The following PCLO variants were observed in gnomAD, a reference collection of about 807,000 sequenced individuals.
The protein encoded by PCLO is piccolo presynaptic cytomatrix protein.
Under a neutral mutation model 427.5 loss-of-function variants are expected in PCLO, and 82 were observed. The ratio of observed to expected loss-of-function variants is 0.19; its 90% confidence interval spans 0.16 to 0.23. The LOEUF is 0.23. Ranked by LOEUF, PCLO falls within the 10% of genes least tolerant of loss-of-function variation. PCLO has a pLI of 1.00. For missense variants in PCLO, 6,239 were observed against 6,115.9 expected, an observed-to-expected ratio of 1.02 and a Z score of -0.67; for synonymous variants, 2,357 against 2,155.4, an observed-to-expected ratio of 1.09 and a Z score of -2.59.
intron 3 of PCLO, among the ~76,000 whole-genome samples, chr7:83,027,497 A>T (rs957446890): frequency 6.6e-6 from 1 of 152,158 alleles, no homozygotes; most frequent in East Asian, 1.9e-4. Flanking sequence ...CCAGGACCAG[A>T]TAGATTCACA....
Position 82,915,913 on chromosome 7 carries a change from G to C in PCLO, c.12073C>G (p.Pro4025Ala). 6.2e-7 allele frequency: 1 copy of C among 1,613,312 alleles called. No homozygotes were observed. The highest frequency in any genetic ancestry group is 8.5e-7 in the Non-Finnish European group (1 of 1,179,796). ...GAATCTGCAGATATGCTTGATATTG[G>C]ACTGCTTGCCATGCTACTTCTTTCC... ...LEERSSMASS[P>A]ISSISADSFY... The change falls in exon 7 of 25, where the codon CCA becomes GCA. Residue 4025 changes from proline to alanine, a missense_variant. Physicochemically the swap from Pro to Ala is conservative, Grantham distance 27. Transcript: ENST00000333891.
At chr7:82,839,998 A>G (rs1007185835) in intron 14 of PCLO, among the ~76,000 whole-genome samples, 1 of 152,126 alleles carries the variant, frequency 6.6e-6, no homozygotes, top group African/African-American at 2.4e-5. Context: ...ACAGAATTAC[A>G]TCTTACTCCT....
Position 83,156,397 on chromosome 7 carries a change from A to G in PCLO, c.249-5T>C. The stretch of plus-strand genomic sequence containing the variant: ...CTACTATCCAACTCTTGTTTCCTAG[A>G]AGAGTTAAAAAAAAAAAAAAAAATC... On this transcript the variant is annotated splice_region_variant and splice_polypyrimidine_tract_variant and intron_variant, in intron 1 of 24. Coordinates refer to ENST00000333891, the MANE Select transcript of PCLO (RefSeq NM_033026.6). 7 of 1,412,972 alleles carry G rather than the reference A, an allele frequency of 5.0e-6. No homozygotes were observed. The highest frequency in any genetic ancestry group is 5.6e-6 in the Non-Finnish European group (6 of 1,066,516). The allele number at this position is 1,412,972 out of a possible 1,614,324, so 87.5% of individuals were successfully genotyped here.
At chr7:82,766,014 T>C (rs903071098) in intron 22 of PCLO, among the ~76,000 whole-genome samples, 1 of 152,068 alleles carries the variant, frequency 6.6e-6, no homozygotes, top group African/African-American at 2.4e-5. Flanking sequence ...AGGCAGTTTC[T>C]GGTAAGGTAC....
intron 10 of PCLO, among the ~76,000 whole-genome samples, chr7:82,857,691 A>G (rs2115889098): frequency 6.6e-6 from 1 of 152,270 alleles, no homozygotes; most frequent in African/African-American, 2.4e-5. Flanking sequence ...GTGTAAAATG[A>G]GATAAAATGG....
intron 13 of PCLO, among the ~76,000 whole-genome samples, chr7:82,843,600 C>T (rs1792422269): frequency 6.6e-6 from 1 of 150,834 alleles, no homozygotes; most frequent in African/African-American, 2.4e-5. Context: ...AGTGTTCGGA[C>T]CACAAAAAAA....
chr7:82,987,914 T>C (rs1398621586), intron 3 of PCLO, among the ~76,000 whole-genome samples: 1 of 152,120 alleles, frequency 6.6e-6, no homozygotes, highest in Non-Finnish European at 1.5e-5. Context: ...AAATCAGTCA[T>C]ATCTTACATG....
chr7:83,113,596 A>G (rs1791059000), intron 3 of PCLO, among the ~76,000 whole-genome samples: 1 of 152,182 alleles, frequency 6.6e-6, no homozygotes, highest in Non-Finnish European at 1.5e-5. Context: ...TTCAGCTACT[A>G]TATCTGTAAT....
intron 3 of PCLO, among the ~76,000 whole-genome samples, chr7:83,066,004 G>C (rs537872741): frequency 6.6e-6 from 1 of 152,172 alleles, no homozygotes; most frequent in Admixed American, 6.5e-5. Context: ...ATTCATCCAT[G>C]TTTCTGGGAC....
chr7:82,821,579 ATTAAG>A, intron 20 of PCLO: 3 of 974,068 alleles, frequency 3.1e-6, no homozygotes, highest in Non-Finnish European at 3.7e-6. Context: ...ATTTGCACAT[ATTAAG>A]TTTTTATATA....
At chr7:82,763,506 A>G (rs527914610) in intron 22 of PCLO, among the ~76,000 whole-genome samples, 14 of 152,228 alleles carry the variant, frequency 9.2e-5, no homozygotes, top group Admixed American at 2.6e-4. Flanking sequence ...TTGTAAAAAT[A>G]TTAGGCTGTA....
intron 22 of PCLO, among the ~76,000 whole-genome samples, chr7:82,791,604 C>T (rs996014731): frequency 6.6e-6 from 1 of 152,120 alleles, no homozygotes; most frequent in Admixed American, 6.5e-5. Context: ...TAGCAGTCAA[C>T]ATTTAATAAA....
At chr7:82,900,015 T>C (rs1041944053) in intron 9 of PCLO, among the ~76,000 whole-genome samples, 1 of 151,614 alleles carries the variant, frequency 6.6e-6, no homozygotes, top group Non-Finnish European at 1.5e-5. Flanking sequence ...ACTGAAATTC[T>C]TTTTTTAGCA....
chr7:82,993,275 A>G (rs1382729983), intron 3 of PCLO, among the ~76,000 whole-genome samples: 1 of 152,046 alleles, frequency 6.6e-6, no homozygotes, highest in Non-Finnish European at 1.5e-5. Context: ...ATATTTCTAT[A>G]GAATATAAAA....
At chr7:83,025,594 A>C (rs1214795248) in intron 3 of PCLO, among the ~76,000 whole-genome samples, 1 of 152,178 alleles carries the variant, frequency 6.6e-6, no homozygotes, top group Non-Finnish European at 1.5e-5. Flanking sequence ...GATTCAGGAA[A>C]TACAGAGAAT....
At chr7:82,850,155 C>T (rs1270062739) in intron 10 of PCLO, among the ~76,000 whole-genome samples, 2 of 151,978 alleles carry the variant, frequency 1.3e-5, no homozygotes, top group South Asian at 4.2e-4. Context: ...ATTACAGGCA[C>T]CCACCACCAC....
At chr7:82,946,702 A>G (rs1189675486) in intron 6 of PCLO, among the ~76,000 whole-genome samples, 4 of 152,166 alleles carry the variant, frequency 2.6e-5, no homozygotes, top group Non-Finnish European at 4.4e-5. Context: ...AGAGTGATCA[A>G]TGAGGTCATG....
Position 82,827,863 on chromosome 7 carries a change from C to T in PCLO, c.14343+10G>A, listed in dbSNP as rs199879190. ...CCTAATTCTGTCACCTAGAAATAAT[C>T]TTGACATACCTGTTCCATGGAAATA... On this transcript the variant is annotated intron_variant, in intron 17 of 24. Coordinates refer to ENST00000333891, the MANE Select transcript of PCLO (RefSeq NM_033026.6). The T allele has an allele frequency of 3.8e-4, 542 of 1,420,144 alleles. 2 individuals carry two copies. The highest frequency in any genetic ancestry group is 3.4e-3 in the Middle Eastern group (18 of 5,342). The allele number at this position is 1,420,144 out of a possible 1,614,324, so 88.0% of individuals were successfully genotyped here. A position where few individuals can be genotyped will look rare whatever the true frequency, so the allele number is the denominator to read the frequency against.
chr7:83,031,836 A>G (rs939082683), intron 3 of PCLO, among the ~76,000 whole-genome samples: 3 of 151,740 alleles, frequency 2.0e-5, no homozygotes, highest in African/African-American at 7.3e-5. Context: ...AAGTCCCTCA[A>G]AGATAATCAC....
Sources: allele counts gnomAD v4.1 joint callset (sites outside exome capture counted in the v4.1 genomes callset), GRCh38; gene constraint gnomAD v4.1.1; transcripts MANE v1.5; gene names NCBI Gene and HGNC (gene_info 2026-07-23, HGNC 2026-07-21).